Variants in PIEZO2 observed in about 807,000 individuals in gnomAD.
PIEZO2 encodes the protein piezo type mechanosensitive ion channel component 2.
Under a neutral mutation model 337.3 loss-of-function variants are expected in PIEZO2, and 172 were observed. That is an observed-to-expected ratio of 0.51 (90% CI 0.45 to 0.58). The LOEUF (loss-of-function observed/expected upper bound fraction) is 0.58, where lower values mean the gene tolerates loss of function less well. Among genes scored for constraint, PIEZO2 ranks in the 20% least tolerant of loss-of-function variants. The probability of loss-of-function intolerance (pLI) is 0.00; values close to 1 mark genes in which losing one functional copy is unlikely to be tolerated. For missense variants in PIEZO2, 3,028 were observed against 3,391.3 expected (o/e 0.89, Z 2.66); for synonymous variants, 1,251 against 1,228.5 (o/e 1.02, Z -0.38).
Position 10,718,992 on chromosome 18 carries a change from A to AATAAATAT in PIEZO2, c.5030-734_5030-733insATATTTAT, listed in dbSNP as rs1350672644. Among the ~76,000 whole-genome samples the AATAAATAT allele has an allele frequency of 7.9e-4, 118 of 150,134 alleles. 1 individual carries two copies. The highest frequency in any genetic ancestry group is 2.8e-3 in the African/African-American group (115 of 40,972). On this transcript the variant is annotated intron_variant, in intron 36 of 55. Coordinates refer to ENST00000674853, the MANE Select transcript of PIEZO2 (RefSeq NM_001378183.1). The stretch of plus-strand genomic sequence containing the variant: ...AGACCTTGTCTAAAATAAATAAATA[A>AATAAATAT]ATAAATAAATAAATAAATAAATAAA...
rs2039405118 is a variant in PIEZO2 at position 10,791,339 on chromosome 18, G to A, written c.1759-15C>T. The A allele has an allele frequency of 6.8e-7, 1 of 1,476,328 alleles. No individual in the cohort carries two copies. The highest frequency in any genetic ancestry group is 8.9e-7 in the Non-Finnish European group (1 of 1,117,532). 91.5% of individuals were successfully genotyped at this position (1,476,328 alleles called of 1,614,324 possible). ...GTGAAAAGGATCTGAAAGTAGAGAAGCAGCAAAACAAGAATTAAGCAACCA... is the reference window on the plus strand; with the variant it reads ...GTGAAAAGGATCTGAAAGTAGAGAAACAGCAAAACAAGAATTAAGCAACCA... On this transcript the variant is annotated splice_polypyrimidine_tract_variant and intron_variant, in intron 13 of 55. Transcript: ENST00000674853.
rs866552884 is a variant in PIEZO2 at position 10,761,100 on chromosome 18, C to G, written c.3261G>C (p.Leu1087=). The change falls in exon 24 of 56, where the codon CTG becomes CTC. Residue 1087 remains leucine, a synonymous_variant. Transcript: ENST00000674853. The part of the protein sequence containing the change: ...PLLVYLRNNL[L]MLAILAFEVT... The stretch of plus-strand genomic sequence containing the variant: ...CTTCAAAGGCCAGGATAGCCAGCAT[C>G]AGGAGGTTATTCTACAAAGCAAGGA... 9 of 1,537,096 alleles carry G rather than the reference C, an allele frequency of 5.9e-6. No homozygotes were observed. The South Asian group carries it at 8.3e-5, about 14-fold the overall frequency.
chr18:10,793,491 A>T (rs1295860173), intron 13 of PIEZO2, among the ~76,000 whole-genome samples: 2 of 152,208 alleles, frequency 1.3e-5, no homozygotes, highest in Admixed American at 1.3e-4. Context: ...ATTCGACAGG[A>T]GACAATTCAA....
At chr18:11,084,457 C>G (rs1728228483) in intron 1 of PIEZO2, among the ~76,000 whole-genome samples, 1 of 152,088 alleles carries the variant, frequency 6.6e-6, no homozygotes, top group Admixed American at 6.5e-5. Flanking sequence ...TAAGAGAGAT[C>G]AAGTGATCCC....
rs534913017 is a variant in PIEZO2, at chr18:10,705,986, C to T, written c.5589-240G>A. Among the ~76,000 whole-genome samples the T allele has an allele frequency of 7.9e-5, 12 of 152,312 alleles. No individual in the cohort carries two copies. The South Asian group carries it at 1.9e-3, about 24-fold the overall frequency. ...CACAGTTTAGAACCAGAGCCAGTCA[C>T]GTGGCTCTCAAAGAGCAAAACCCAC... is the stretch of plus-strand genomic sequence containing the variant. On this transcript the variant is annotated intron_variant, in intron 40 of 55. Coordinates refer to ENST00000674853, the MANE Select transcript of PIEZO2 (RefSeq NM_001378183.1).
At position 10,714,748 on chromosome 18, in the gene PIEZO2, T is replaced by C. The variant is rs1182705747; in HGVS notation, c.5423+16A>G. 1.3e-6 allele frequency: 2 copies of C among 1,536,166 alleles called. No individual in the cohort carries two copies. Among genetic ancestry groups the C allele is most frequent in the Admixed American group, 3.9e-5 (2 of 50,838 alleles). On this transcript the variant is annotated intron_variant, in intron 39 of 55. Coordinates refer to ENST00000674853, the MANE Select transcript of PIEZO2 (RefSeq NM_001378183.1). ...ACCTTTGTCAAAAGTAAACCCATTG[T>C]TAGAAAGTGAAATACCTGGAGATAC...
At chr18:10,719,362 C>A (rs188919136) in intron 36 of PIEZO2, among the ~76,000 whole-genome samples, 1 of 152,118 alleles carries the variant, frequency 6.6e-6, no homozygotes, top group Non-Finnish European at 1.5e-5. Flanking sequence ...CCAACTCTCC[C>A]GCATTTGATA....
rs1451748039 is a variant in PIEZO2 at position 10,750,240 on chromosome 18, G to A, written c.4168-53C>T. ...TGAAGCTCTGCAGCCAGAAAAAAAA[G>A]TGGTGTTTTATGATCCCAACATGTG... On this transcript the variant is annotated intron_variant, in intron 28 of 55. Coordinates refer to ENST00000674853, the MANE Select transcript of PIEZO2 (RefSeq NM_001378183.1). The surrounding 1 kb of genome is among the most constrained non-coding windows in gnomAD (Gnocchi z 4.1). 5 of 1,362,306 alleles carry A rather than the reference G, an allele frequency of 3.7e-6. No individual in the cohort carries two copies. The highest frequency in any genetic ancestry group is 1.2e-5 in the South Asian group (1 of 80,414). 84.4% of individuals were successfully genotyped at this position (1,362,306 alleles called of 1,614,324 possible).
At position 10,899,343 on chromosome 18, in the gene PIEZO2, A is replaced by T. The variant is rs1449950633; in HGVS notation, c.329+11843T>A. ...TCAGGAAAATGAAGAATCAGGAAGA[A>T]ACTGTTTTCACTTTATCTAGGATAA... On this transcript the variant is annotated intron_variant, in intron 4 of 55. Transcript: ENST00000674853. The surrounding 1 kb of genome is among the most constrained non-coding windows in gnomAD (Gnocchi z 4.6). Among the ~76,000 whole-genome samples the T allele has an allele frequency of 6.6e-6, 1 of 152,158 alleles. No homozygotes were observed. The highest frequency in any genetic ancestry group is 6.5e-5 in the Admixed American group (1 of 15,270).
At chr18:10,967,771 C>A (rs2034072841) in intron 3 of PIEZO2, among the ~76,000 whole-genome samples, 1 of 152,038 alleles carries the variant, frequency 6.6e-6, no homozygotes, top group Non-Finnish European at 1.5e-5. Flanking sequence ...TGTCCTTAGC[C>A]CACTTTTTAA....
chr18:10,966,171 A>G (rs890020904), intron 3 of PIEZO2, among the ~76,000 whole-genome samples: 4 of 152,210 alleles, frequency 2.6e-5, no homozygotes, highest in African/African-American at 9.6e-5. Context: ...TGTTTCAGGA[A>G]GGTATAGTCC....
At chr18:10,782,073 T>A (rs960498139) in intron 17 of PIEZO2, among the ~76,000 whole-genome samples, 19 of 146,562 alleles carry the variant, frequency 1.3e-4, no homozygotes, top group East Asian at 5.9e-4. Context: ...GCTAAAAATA[T>A]ATATATATAT....
At chr18:10,741,008 G>T (rs898658961) in intron 33 of PIEZO2, 23 bp downstream of exon 33, 56 of 1,525,596 alleles carry the variant, frequency 3.7e-5, no homozygotes, top group Non-Finnish European at 4.5e-5. Flanking sequence ...CGATGAGGTT[G>T]TAAGGGGATC....
Position 10,853,476 on chromosome 18 carries a change from A to C in PIEZO2, c.917+1877T>G, listed in dbSNP as rs894603776. ...GTAGAATTCATTTTTCTAAGGAAGC[A>C]AAAATTGAAATTGCAGCAGATCCAT... On this transcript the variant is annotated intron_variant, in intron 7 of 55. Coordinates refer to ENST00000674853, the MANE Select transcript of PIEZO2 (RefSeq NM_001378183.1). The surrounding 1 kb of genome is among the most constrained non-coding windows in gnomAD (Gnocchi z 4.2). Among the ~76,000 whole-genome samples, 1 of 152,354 alleles carries C rather than the reference A, an allele frequency of 6.6e-6. No individual in the cohort carries two copies. The highest frequency in any genetic ancestry group is 6.5e-5 in the Admixed American group (1 of 15,296).
At chr18:10,714,600 A>G (rs1168767861) in intron 39 of PIEZO2, among the ~76,000 whole-genome samples, 164 bp downstream of exon 39, 1 of 152,162 alleles carries the variant, frequency 6.6e-6, no homozygotes, top group Non-Finnish European at 1.5e-5. Flanking sequence ...GGTGAGGACA[A>G]TGTTCCTTAT....
rs2039533299 is a variant in PIEZO2 at position 10,795,131 on chromosome 18, G to A, written c.1528-129C>T. Reference sequence around the variant, plus strand: ...CAAACCAGGGAGAGTAGAGAGTTGTGGTGGAGTGATGGAGACCCCAAGCCG... The same window carrying A: ...CAAACCAGGGAGAGTAGAGAGTTGTAGTGGAGTGATGGAGACCCCAAGCCG... On this transcript the variant is annotated intron_variant, in intron 12 of 55. Transcript: ENST00000674853. The surrounding 1 kb of genome is among the most constrained non-coding windows in gnomAD (Gnocchi z 4.4). 1 of 812,014 alleles carries A rather than the reference G, an allele frequency of 1.2e-6. No individual in the cohort carries two copies. The highest frequency in any genetic ancestry group is 1.9e-5 in the South Asian group (1 of 53,050). The allele number at this position is 812,014 out of a possible 1,614,324, so 50.3% of individuals were successfully genotyped here.
intron 43 of PIEZO2, 31 bp from the exon 44 acceptor site, chr18:10,699,208 C>T (rs1325667850): frequency 2.0e-6 from 3 of 1,536,714 alleles, no homozygotes; most frequent in Non-Finnish European, 2.6e-6. Context: ...ACAAATGAGG[C>T]TACTGTTTCA....
At chr18:11,023,696 G>A (rs1045505796) in intron 2 of PIEZO2, among the ~76,000 whole-genome samples, 2 of 152,212 alleles carry the variant, frequency 1.3e-5, no homozygotes, top group African/African-American at 4.8e-5. Context: ...TGTGGAGCAG[G>A]GGGCGGCGCT....
At chr18:10,772,753 T>A (rs868319408) in intron 20 of PIEZO2, among the ~76,000 whole-genome samples, 1 of 152,220 alleles carries the variant, frequency 6.6e-6, no homozygotes, top group Non-Finnish European at 1.5e-5. Flanking sequence ...CTCTGTCAGA[T>A]AACATGTCCT....
Sources: allele counts gnomAD v4.1 joint callset (sites outside exome capture counted in the v4.1 genomes callset), GRCh38; gene constraint gnomAD v4.1.1; non-coding constraint Gnocchi (gnomAD v3.1); transcripts MANE v1.5; gene names NCBI Gene and HGNC (gene_info 2026-07-23, HGNC 2026-07-21).